TAPBPL: variants seen among roughly 807,000 people sequenced by gnomAD.
TAPBPL encodes TAP binding protein like.
In TAPBPL, 32 loss-of-function variants were observed where a neutral mutation model predicts 44.8. The observed-to-expected ratio is 0.71, with a 90% CI of 0.54 to 0.96. The LOEUF is 0.96. TAPBPL is among the 40% of genes least tolerant of loss of function. The probability of loss-of-function intolerance (pLI) is 0.00; values close to 1 mark genes in which losing one functional copy is unlikely to be tolerated. For missense variants in TAPBPL, 520 were observed against 586.6 expected (o/e 0.89, Z 1.17); for synonymous variants, 230 against 240.7 (o/e 0.96, Z 0.41).
In TAPBPL at chr12:6,453,765, T is replaced by C. The variant is rs2534698; in HGVS notation, c.565+49T>C. The C allele has an allele frequency of 0.7, 1,050,713 of 1,504,200 alleles. 368,825 individuals are homozygous for C. The highest frequency in any genetic ancestry group is 0.78 in the East Asian group (33,938 of 43,316). The allele number at this position is 1,504,200 out of a possible 1,614,324, so 93.2% of individuals were successfully genotyped here. On this transcript the variant is annotated intron_variant, in intron 3 of 6. Transcript: ENST00000266556. The surrounding 1 kb of genome is among the most constrained non-coding windows in gnomAD (Gnocchi z 4.8). ...AGGTGTGGTGGCTCACGCCTGTAAT[T>C]CCAGAATTTTGGGATACCGAGGTCG...
At chr12:6,469,276 C>G (rs1945708837), downstream of TAPBPL, among the ~76,000 whole-genome samples, 2 of 152,162 alleles carry the variant, frequency 1.3e-5, no homozygotes, top group Admixed American at 1.3e-4. Context: ...TAGGTAGCAG[C>G]CAGTGTTGGA....
Position 6,460,846 on chromosome 12 carries a change from C to T in TAPBPL, c.1208-9C>T, listed in dbSNP as rs1332359465. On this transcript the variant is annotated splice_polypyrimidine_tract_variant and intron_variant, in intron 5 of 6. Transcript: ENST00000266556. ...CGATGATCCCCGCCCACGTTGCTCT[C>T]ACCTACAGAGCGGAGAACAGCCTTG... 6 of 1,613,928 alleles carry T rather than the reference C, an allele frequency of 3.7e-6. No individual in the cohort carries two copies. Among genetic ancestry groups the T allele is most frequent in the East Asian group, 2.2e-5 (1 of 44,890 alleles).
chr12:6,463,437 G>A (rs1409516240), downstream of TAPBPL: 2 of 1,046,926 alleles, frequency 1.9e-6, no homozygotes, highest in Non-Finnish European at 2.3e-6. This position sits in a 1 kb window ranked among gnomAD's most constrained non-coding sequence, Gnocchi z 4.0. Flanking sequence ...GGGTGGTGTG[G>A]AGGAAAGGAT....
chr12:6,453,071 C>T lies in TAPBPL; in HGVS notation c.69C>T (p.Pro23=). The change falls in exon 2 of 7, where the codon CCC becomes CCT. Residue 23 remains proline (P), a synonymous_variant. Coordinates refer to ENST00000266556, the MANE Select transcript of TAPBPL (RefSeq NM_018009.5). This position sits in a 1 kb window ranked among gnomAD's most constrained non-coding sequence, Gnocchi z 4.8. ...CACCCCAGCCTTTGTCTGCAGAGCC[C>T]CACCCAGCAGAGGGGCAGTGGCGGG... The part of the protein sequence containing the change: ...LALSGAAETK[P]HPAEGQWRAV... 1 of 1,573,806 alleles carries T rather than the reference C, an allele frequency of 6.4e-7. No individual in the cohort carries two copies. The highest frequency in any genetic ancestry group is 8.6e-7 in the Non-Finnish European group (1 of 1,160,216).
chr12:6,465,731 G>C (rs1302591623), downstream of TAPBPL: 1 of 1,416,502 alleles, frequency 7.1e-7, no homozygotes, highest in African/African-American at 1.4e-5. Context: ...CGTTATGCTG[G>C]TCAGAGAGAT....
downstream of TAPBPL, among the ~76,000 whole-genome samples, chr12:6,468,348 G>A (rs1256800975): frequency 6.6e-6 from 1 of 152,192 alleles, no homozygotes; most frequent in Non-Finnish European, 1.5e-5. Flanking sequence ...AGGAAATCAG[G>A]GCTGCCATAA....
At chr12:6,458,333 G>A (rs573821460) in intron 4 of TAPBPL, among the ~76,000 whole-genome samples, 37 of 151,430 alleles carry the variant, frequency 2.4e-4, no homozygotes, top group African/African-American at 8.3e-4. Flanking sequence ...CCAAGATCAT[G>A]CCACTGCACT....
At chr12:6,464,380 G>A (rs756858290), downstream of TAPBPL, 4 of 1,552,542 alleles carry the variant, frequency 2.6e-6, no homozygotes, top group African/African-American at 5.5e-5. Flanking sequence ...ATGGAGGACG[G>A]TGGGTGGGGA....
chr12:6,466,474 G>A (rs947931077), downstream of TAPBPL: 4 of 1,089,122 alleles, frequency 3.7e-6, no homozygotes, highest in African/African-American at 3.2e-5. Flanking sequence ...CTTGAGCCCA[G>A]GAGTTCGAGG....
Position 6,453,091 on chromosome 12 carries a change from G to A in TAPBPL, c.89G>A (p.Trp30Ter), listed in dbSNP as rs1565513771. ...GAGCCCCACCCAGCAGAGGGGCAGT[G>A]GCGGGCAGTGGACGTGGTCCTAGAC... Reference protein sequence around the residue: ...ETKPHPAEGQWRAVDVVLDCF... With the variant: ...ETKPHPAEGQ The change falls in exon 2 of 7, where the codon TGG (tryptophan) becomes TAG (stop). Residue 30 changes from tryptophan (W) to a stop codon, truncating the protein, a stop_gained. Coordinates refer to ENST00000266556, the MANE Select transcript of TAPBPL (RefSeq NM_018009.5). LOFTEE classifies it high-confidence loss of function. This position sits in a 1 kb window ranked among gnomAD's most constrained non-coding sequence, Gnocchi z 4.8. 1 of 1,575,736 alleles carries A rather than the reference G, an allele frequency of 6.3e-7. No homozygotes were observed. Among genetic ancestry groups the A allele is most frequent in the East Asian group, 2.3e-5 (1 of 43,812 alleles).
At chr12:6,463,250 C>T (rs559843986), downstream of TAPBPL, 7 of 1,372,992 alleles carry the variant, frequency 5.1e-6, no homozygotes, top group East Asian at 8.5e-5. The surrounding 1 kb of genome is among the most constrained non-coding windows in gnomAD (Gnocchi z 4.0). Flanking sequence ...AACAGAGAGG[C>T]GGCTCTCAAG....
At chr12:6,454,879 T>C (rs1472335159) in intron 3 of TAPBPL, among the ~76,000 whole-genome samples, 1 of 151,782 alleles carries the variant, frequency 6.6e-6, no homozygotes, top group Admixed American at 6.6e-5. Flanking sequence ...CTTCTTTGAG[T>C]CTCCAAGAAG....
chr12:6,452,230 GA>G lies in TAPBPL; in HGVS notation c.-17del. On this transcript the variant is annotated 5_prime_UTR_variant, in exon 1 of 7. Coordinates refer to ENST00000266556, the MANE Select transcript of TAPBPL (RefSeq NM_018009.5). ...TGGAGAAGGGCGGTGGGCAAGGAGGGAACTCGAGAGCAGCCTCCATGGGCAC... is the reference window on the plus strand; with the variant it reads ...TGGAGAAGGGCGGTGGGCAAGGAGGGACTCGAGAGCAGCCTCCATGGGCAC... 1 of 1,566,222 alleles carries G rather than the reference GA, an allele frequency of 6.4e-7. No individual in the cohort carries two copies. The highest frequency in any genetic ancestry group is 1.2e-5 in the South Asian group (1 of 85,088).
downstream of TAPBPL, chr12:6,464,216 G>A (rs769134568): frequency 2.7e-5 from 41 of 1,501,072 alleles, no homozygotes; most frequent in South Asian, 4.7e-4. Context: ...GAACTTGAGA[G>A]TACAGAAAAA....
At position 6,453,378 on chromosome 12, in the gene TAPBPL, T is replaced by C. The variant is rs1044743234; in HGVS notation, c.296-69T>C. The C allele has an allele frequency of 8.1e-6, 13 of 1,608,480 alleles. No homozygotes were observed. Among genetic ancestry groups the C allele is most frequent in the African/African-American group, 4.0e-5 (3 of 74,870 alleles). On this transcript the variant is annotated intron_variant, in intron 2 of 6. Coordinates refer to ENST00000266556, the MANE Select transcript of TAPBPL (RefSeq NM_018009.5). This position sits in a 1 kb window ranked among gnomAD's most constrained non-coding sequence, Gnocchi z 4.8. ...CCCAGGTCCCGATTACAGCCACACA[T>C]ACTGCCTCCCGTTGGCCCTGGTGTT... is the stretch of plus-strand genomic sequence containing the variant.
downstream of TAPBPL, chr12:6,464,887 T>G: frequency 6.2e-7 from 1 of 1,613,978 alleles, no homozygotes; most frequent in Non-Finnish European, 8.5e-7. Context: ...CAGCGATACT[T>G]ACTTACAATA....
Position 6,453,755 on chromosome 12 carries a change from C to T in TAPBPL, c.565+39C>T, listed in dbSNP as rs769485501. The T allele has an allele frequency of 1.0e-5, 16 of 1,526,332 alleles. No individual in the cohort carries two copies. Among genetic ancestry groups the T allele is most frequent in the African/African-American group, 1.4e-5 (1 of 72,572 alleles). 94.5% of individuals were successfully genotyped at this position (1,526,332 alleles called of 1,614,324 possible). A position where few individuals can be genotyped will look rare whatever the true frequency, so the allele number is the denominator to read the frequency against. On this transcript the variant is annotated intron_variant, in intron 3 of 6. Coordinates refer to ENST00000266556, the MANE Select transcript of TAPBPL (RefSeq NM_018009.5). This position sits in a 1 kb window ranked among gnomAD's most constrained non-coding sequence, Gnocchi z 4.8. ...AAGCAAGGCCAGGTGTGGTGGCTCA[C>T]GCCTGTAATTCCAGAATTTTGGGAT...
At chr12:6,463,735 G>A, downstream of TAPBPL, 1 of 1,157,722 alleles carries the variant, frequency 8.6e-7, no homozygotes, top group Non-Finnish European at 1.1e-6. This position sits in a 1 kb window ranked among gnomAD's most constrained non-coding sequence, Gnocchi z 4.0. Flanking sequence ...ATGTAAAGAA[G>A]AGAAAGCTCC....
At position 6,453,400 on chromosome 12, in the gene TAPBPL, TG is replaced by T. The variant is rs1372534145; in HGVS notation, c.296-46del. On this transcript the variant is annotated intron_variant, in intron 2 of 6. Transcript: ENST00000266556. The surrounding 1 kb of genome is among the most constrained non-coding windows in gnomAD (Gnocchi z 4.8). ...ACATACTGCCTCCCGTTGGCCCTGG[TG>T]TTCTCACGCTAATTTGCCCTCTGTG... 2 of 1,610,084 alleles carry T rather than the reference TG, an allele frequency of 1.2e-6. No individual in the cohort carries two copies. The highest frequency in any genetic ancestry group is 1.7e-6 in the Non-Finnish European group (2 of 1,177,638).
Sources: gnomAD v4.1 joint callset for allele counts (sites outside exome capture counted in the v4.1 genomes callset) on GRCh38, gnomAD v4.1.1 for gene constraint, Gnocchi (gnomAD v3.1) non-coding constraint, MANE v1.5 for transcripts, NCBI Gene and HGNC (gene_info 2026-07-23, HGNC 2026-07-21) for gene names.